The following ACSM1 variants were observed in gnomAD, a reference collection of about 807,000 sequenced individuals.
The protein encoded by ACSM1 is acyl-CoA synthetase medium chain family member 1.
Under a neutral mutation model 75.8 loss-of-function variants are expected in ACSM1, and 79 were observed. The observed-to-expected ratio is 1.04, with a 90% CI of 0.87 to 1.26. ACSM1 has a LOEUF of 1.26. Ranked by LOEUF, ACSM1 falls within the 50% of genes most tolerant of loss-of-function variation. ACSM1 has a pLI of 0.00. For missense variants in ACSM1, 676 were observed against 720.1 expected (o/e 0.94, Z 0.70); for synonymous variants, 279 against 265.8 (o/e 1.05, Z -0.48).
chr16:20,634,864 T>C (rs1282595838), intron 10 of ACSM1, among the ~76,000 whole-genome samples: 1 of 152,130 alleles, frequency 6.6e-6, no homozygotes, highest in Non-Finnish European at 1.5e-5. Flanking sequence ...TTTATATAAA[T>C]AAAATATAAA....
chr16:20,680,592 C>G (rs191038403), intron 4 of ACSM1: 3 of 152,340 alleles, frequency 2.0e-5, no homozygotes, highest in East Asian at 1.9e-4. Flanking sequence ...TAAAAACCTC[C>G]ATAATTGGAA....
chr16:20,673,555 G>A (rs563465774), intron 4 of ACSM1, among the ~76,000 whole-genome samples: 104 of 152,276 alleles, frequency 6.8e-4, no homozygotes, highest in African/African-American at 2.5e-3. Flanking sequence ...TGTGAGACAT[G>A]ACTGAAGGCT....
At chr16:20,650,025 A>G (rs1373495387) in intron 7 of ACSM1, among the ~76,000 whole-genome samples, 1 of 152,182 alleles carries the variant, frequency 6.6e-6, no homozygotes, top group Non-Finnish European at 1.5e-5. Flanking sequence ...GAGCTAAGGT[A>G]CCAGCAGGGC....
rs114023747 is a variant in ACSM1 at position 20,648,611 on chromosome 16, A to T, written c.993-8027T>A. On this transcript the variant is annotated intron_variant, in intron 7 of 13. Coordinates refer to ENST00000520010, the MANE Select transcript of ACSM1 (RefSeq NM_001318890.3). This position sits in a 1 kb window ranked among gnomAD's most constrained non-coding sequence, Gnocchi z 4.2. ...AACAGAGACCTTAAGATAATTTATT[A>T]TCTCTGAAGCCTGCACCTGGAAGCT... 1.4e-4 allele frequency among the ~76,000 whole-genome samples: 22 copies of T among 152,354 alleles called. No individual in the cohort carries two copies. Among genetic ancestry groups the T allele is most frequent in the African/African-American group, 4.3e-4 (18 of 41,578 alleles).
chr16:20,688,783 T>G (rs893306752), intron 2 of ACSM1, among the ~76,000 whole-genome samples: 1 of 151,782 alleles, frequency 6.6e-6, no homozygotes, highest in Non-Finnish European at 1.5e-5. Flanking sequence ...GTCCTCAAGG[T>G]GAAATAAAAG....
At chr16:20,672,782 AAATT>A (rs1429485308) in intron 4 of ACSM1, among the ~76,000 whole-genome samples, 3 of 124,006 alleles carry the variant, frequency 2.4e-5, no homozygotes, top group Non-Finnish European at 4.6e-5. Flanking sequence ...GCTTATATAT[AAATT>A]ATGTACAAAA....
intron 4 of ACSM1, among the ~76,000 whole-genome samples, chr16:20,672,453 A>T (rs1423478058): frequency 9.5e-6 from 1 of 105,286 alleles, no homozygotes; most frequent in Non-Finnish European, 1.8e-5. Flanking sequence ...CATCTCAAAA[A>T]AAAAAAAAAA....
At chr16:20,678,464 C>A (rs1338202137) in intron 4 of ACSM1, among the ~76,000 whole-genome samples, 2 of 152,168 alleles carry the variant, frequency 1.3e-5, no homozygotes, top group Non-Finnish European at 2.9e-5. Flanking sequence ...AGAAGCCATG[C>A]CATGTGAAAA....
chr16:20,669,125 A>G (rs2019734738), intron 6 of ACSM1, among the ~76,000 whole-genome samples: 1 of 152,066 alleles, frequency 6.6e-6, no homozygotes, highest in Admixed American at 6.6e-5. Flanking sequence ...ATAGACAGAA[A>G]GAATTCATGC....
At chr16:20,659,274 G>A (rs1291900000) in intron 7 of ACSM1, among the ~76,000 whole-genome samples, 1 of 152,108 alleles carries the variant, frequency 6.6e-6, no homozygotes, top group Admixed American at 6.6e-5. Flanking sequence ...CTAGCACTGT[G>A]GGACCCTGCC....
chr16:20,671,793 CT>C, intron 4 of ACSM1, 122 bp from the exon 5 acceptor site: 1 of 1,142,370 alleles, frequency 8.8e-7, no homozygotes. Context: ...TAGAGGAAAA[CT>C]GGCTCTCCCG....
chr16:20,629,714 C>T (rs947244490), intron 10 of ACSM1, among the ~76,000 whole-genome samples: 3 of 152,218 alleles, frequency 2.0e-5, no homozygotes, highest in Admixed American at 6.5e-5. Flanking sequence ...ACGAATTCCA[C>T]TGGGCGTGGT....
chr16:20,689,135 G>A (rs2079607987), intron 2 of ACSM1, among the ~76,000 whole-genome samples: 1 of 151,388 alleles, frequency 6.6e-6, no homozygotes, highest in African/African-American at 2.4e-5. Flanking sequence ...GAACTGTAAA[G>A]GGGAAGGATT....
intron 1 of ACSM1, among the ~76,000 whole-genome samples, chr16:20,695,550 ATCTG>A (rs1310421162): frequency 7.4e-6 from 1 of 134,972 alleles, no homozygotes; most frequent in African/African-American, 2.8e-5. Context: ...TTCACTGATT[ATCTG>A]TCTATCTATC....
intron 4 of ACSM1, among the ~76,000 whole-genome samples, chr16:20,672,062 A>T (rs536430677): frequency 1.3e-5 from 2 of 152,198 alleles, no homozygotes; most frequent in African/African-American, 4.8e-5. Flanking sequence ...GGAGATGAGT[A>T]CTACTCTAAT....
At chr16:20,694,710 T>C (rs2079680407) in intron 1 of ACSM1, among the ~76,000 whole-genome samples, 2 of 152,210 alleles carry the variant, frequency 1.3e-5, no homozygotes, top group Non-Finnish European at 1.5e-5. Context: ...TGGTTTGAAC[T>C]GTGTCCCCCA....
At chr16:20,665,402 A>G (rs2019515021) in intron 6 of ACSM1, among the ~76,000 whole-genome samples, 1 of 152,148 alleles carries the variant, frequency 6.6e-6, no homozygotes, top group South Asian at 2.1e-4. Flanking sequence ...TCTACAGGAA[A>G]TGGATAAATT....
chr16:20,627,367 T>C (rs772270420), intron 10 of ACSM1, 51 bp from the exon 11 acceptor site: 3 of 1,526,742 alleles, frequency 2.0e-6, no homozygotes, highest in South Asian at 1.3e-5. Flanking sequence ...TTAGAGGTGA[T>C]GAGCCACAAC....
chr16:20,692,097 T>A (rs528980886), intron 1 of ACSM1, among the ~76,000 whole-genome samples: 3 of 152,194 alleles, frequency 2.0e-5, no homozygotes, highest in Non-Finnish European at 4.4e-5. Flanking sequence ...CTTGAGACTA[T>A]AAAGATACTG....
Sources: allele counts gnomAD v4.1 joint callset (sites outside exome capture counted in the v4.1 genomes callset), GRCh38; gene constraint gnomAD v4.1.1; non-coding constraint Gnocchi (gnomAD v3.1); transcripts MANE v1.5; gene names NCBI Gene and HGNC (gene_info 2026-07-23, HGNC 2026-07-21).